Variants in GOSR1 observed in about 807,000 individuals in gnomAD.
GOSR1 encodes golgi SNAP receptor complex member 1, also known as 28 kDa Golgi SNARE protein.
Under a neutral mutation model 35.5 loss-of-function variants are expected in GOSR1, and 21 were observed. The observed-to-expected ratio is 0.59, with a 90% CI of 0.42 to 0.85. The LOEUF is 0.85. Among genes scored for constraint, GOSR1 ranks in the 40% least tolerant of loss-of-function variants. The pLI, the probability that GOSR1 is intolerant of heterozygous loss-of-function variation, is 0.00. For synonymous variants in GOSR1, 94 were observed against 106.6 expected, an observed-to-expected ratio of 0.88 and a Z score of 0.73; for missense variants, 285 against 309.6, an observed-to-expected ratio of 0.92 and a Z score of 0.60.
intron 6 of GOSR1, among the ~76,000 whole-genome samples, chr17:30,505,864 G>C (rs1251990880): frequency 1.3e-5 from 2 of 152,122 alleles, no homozygotes; most frequent in Non-Finnish European, 2.9e-5. Context: ...GAGTAGATGG[G>C]ACTACAGGTG....
chr17:30,502,476 C>G (rs1421888223), intron 6 of GOSR1, among the ~76,000 whole-genome samples: 2 of 152,148 alleles, frequency 1.3e-5, no homozygotes, highest in Non-Finnish European at 2.9e-5. Context: ...TAAAATTGTT[C>G]TAGCAATAAT....
intron 4 of GOSR1, among the ~76,000 whole-genome samples, chr17:30,488,423 C>T (rs545081495): frequency 3.1e-4 from 47 of 152,160 alleles, no homozygotes; most frequent in Non-Finnish European, 6.3e-4. Flanking sequence ...CTTGGCCTCC[C>T]AAAGTGTTGG....
intron 6 of GOSR1, 57 bp downstream of exon 6, chr17:30,492,810 T>G (rs1915128815): frequency 3.1e-6 from 3 of 981,786 alleles, no homozygotes; most frequent in Non-Finnish European, 5.0e-6. Context: ...ATTCATTTAC[T>G]TATGTAACCA....
chr17:30,505,514 A>G (rs1967368315), intron 6 of GOSR1, among the ~76,000 whole-genome samples: 1 of 152,230 alleles, frequency 6.6e-6, no homozygotes, highest in African/African-American at 2.4e-5. Flanking sequence ...GTTGGTGGCA[A>G]CCCTGTGTCG....
chr17:30,480,248 T>C (rs1327332873), intron 1 of GOSR1: 1 of 150,886 alleles, frequency 6.6e-6, no homozygotes, highest in Non-Finnish European at 1.5e-5. Context: ...AGGTGGAGTA[T>C]GCAGTGAGCC....
rs192327143 is a variant in GOSR1 at position 30,499,477 on chromosome 17, A to G, written c.509+6724A>G. On this transcript the variant is annotated intron_variant, in intron 6 of 8. Transcript: ENST00000451249. ...CTGCCTCAGCCTCCCAAGTAGCTGG[A>G]ACTACAGGCGCATGCCACCACGCCC... Among the ~76,000 whole-genome samples the G allele has an allele frequency of 7.4e-3, 1,118 of 151,846 alleles. 6 individuals are homozygous for G. Among genetic ancestry groups the G allele is most frequent in the Non-Finnish European group, 0.012 (797 of 67,940 alleles).
intron 8 of GOSR1, among the ~76,000 whole-genome samples, chr17:30,521,178 T>C (rs1299844130): frequency 6.5e-5 from 9 of 138,952 alleles, no homozygotes; most frequent in African/African-American, 2.4e-4. Context: ...TTTTTTTTTT[T>C]TTTTTTTTTT....
At chr17:30,519,894 G>A in intron 7 of GOSR1, 45 bp from the exon 8 acceptor site, 1 of 1,169,222 alleles carries the variant, frequency 8.6e-7, no homozygotes, top group Non-Finnish European at 1.3e-6. Context: ...GTTCCAGGCA[G>A]GATAATCTTA....
chr17:30,516,405 G>A (rs1317545980), intron 7 of GOSR1, among the ~76,000 whole-genome samples: 1 of 151,118 alleles, frequency 6.6e-6, no homozygotes, highest in Non-Finnish European at 1.5e-5. Context: ...GGGAGGCGGA[G>A]GTTGCAGTGA....
intron 3 of GOSR1, 101 bp downstream of exon 3, chr17:30,484,402 A>G (rs908613651): frequency 2.6e-6 from 2 of 782,884 alleles, no homozygotes; most frequent in Non-Finnish European, 4.6e-6. Context: ...GAAATTATCC[A>G]TTCCATTCAA....
In GOSR1 at chr17:30,488,411, G is replaced by T. The variant is rs1204488614; in HGVS notation, c.343-1715G>T. 8.6e-5 allele frequency among the ~76,000 whole-genome samples: 13 copies of T among 150,352 alleles called. 1 individual carries two copies. Among genetic ancestry groups the T allele is most frequent in the Admixed American group, 3.3e-4 (5 of 15,132 alleles). ...CATCTCCTGACCTCATGATCCGCCT[G>T]CCTTGGCCTCCCAAAGTGTTGGGAT... On this transcript the variant is annotated intron_variant, in intron 4 of 8. Transcript: ENST00000451249.
intron 5 of GOSR1, among the ~76,000 whole-genome samples, chr17:30,491,484 C>T (rs1422821578): frequency 6.6e-6 from 1 of 152,050 alleles, no homozygotes; most frequent in Non-Finnish European, 1.5e-5. Flanking sequence ...CATGGTGAAA[C>T]CCCGTCTCTA....
chr17:30,506,278 G>A (rs1307684866), intron 6 of GOSR1, among the ~76,000 whole-genome samples: 2 of 152,154 alleles, frequency 1.3e-5, no homozygotes, highest in Non-Finnish European at 1.5e-5. Flanking sequence ...TCTTGTGCCC[G>A]TTAGCCAAGT....
rs1167646975 is a variant in GOSR1, at chr17:30,525,362, G to T, written c.*2984G>T. On this transcript the variant is annotated 3_prime_UTR_variant, in exon 9 of 9. Transcript: ENST00000451249. ...AACTATGGGGTTTATTTTTCTAAATGTGGGTTGATTGACTGTTAATTGATT... is the reference window on the plus strand; with the variant it reads ...AACTATGGGGTTTATTTTTCTAAATTTGGGTTGATTGACTGTTAATTGATT... 2 of 152,214 alleles carry T rather than the reference G, an allele frequency of 1.3e-5. No individual in the cohort carries two copies. The highest frequency in any genetic ancestry group is 3.8e-4 in the East Asian group (2 of 5,202). 9.4% of individuals were successfully genotyped at this position (152,214 alleles called of 1,614,324 possible).
chr17:30,522,205 C>T (rs777248566), intron 8 of GOSR1, 49 bp from the exon 9 acceptor site: 6 of 1,529,610 alleles, frequency 3.9e-6, no homozygotes, highest in South Asian at 2.5e-5. Context: ...TACGACTTTT[C>T]GCCAGAGAGG....
intron 4 of GOSR1, chr17:30,485,013 A>G (rs1400230750): frequency 8.0e-6 from 4 of 498,236 alleles, no homozygotes; most frequent in Admixed American, 3.2e-5. Flanking sequence ...CACTGGGTAC[A>G]TATACTTCCA....
intron 8 of GOSR1, 71 bp downstream of exon 8, chr17:30,520,092 AGGGG>A (rs1403883217): frequency 2.7e-5 from 26 of 959,688 alleles, no homozygotes; most frequent in African/African-American, 1.6e-5. Context: ...GTGCTTTTAT[AGGGG>A]GCAGGTTGCC....
Position 30,523,844 on chromosome 17 carries a change from G to A in GOSR1, c.*1466G>A, listed in dbSNP as rs1968132151. On this transcript the variant is annotated 3_prime_UTR_variant, in exon 9 of 9. Coordinates refer to ENST00000451249, the MANE Select transcript of GOSR1 (RefSeq NM_001007025.2). ...TGTCTGTGTAGAAAGAAGTAGACAT[G>A]GGAGACTTTTCATTTTGTTCTGTAC... The A allele has an allele frequency of 4.3e-5, 9 of 207,966 alleles. No individual in the cohort carries two copies. The South Asian group carries it at 4.3e-4, about 10-fold the overall frequency. 12.9% of individuals were successfully genotyped at this position (207,966 alleles called of 1,614,324 possible).
In GOSR1 at chr17:30,526,848, C is replaced by A. The variant is rs1281215453; in HGVS notation, c.*4470C>A. 6.6e-6 allele frequency: 1 copy of A among 152,324 alleles called. No homozygotes were observed. The highest frequency in any genetic ancestry group is 1.5e-5 in the Non-Finnish European group (1 of 68,016). The allele number at this position is 152,324 out of a possible 1,614,324, so 9.4% of individuals were successfully genotyped here. A position where few individuals can be genotyped will look rare whatever the true frequency, so the allele number is the denominator to read the frequency against. ...GTAATTGTTTATATTGAAACAGTAA[C>A]CATCAAGGTAGTTTGGGGATAGAGA... On this transcript the variant is annotated 3_prime_UTR_variant, in exon 9 of 9. Transcript: ENST00000451249.
Sources: gnomAD v4.1 joint callset for allele counts (sites outside exome capture counted in the v4.1 genomes callset) on GRCh38, gnomAD v4.1.1 for gene constraint, MANE v1.5 for transcripts, NCBI Gene and HGNC (gene_info 2026-07-23, HGNC 2026-07-21) for gene names.